Variants in MED9 observed in about 807,000 individuals in gnomAD.
The protein encoded by MED9 is mediator of RNA polymerase II transcription subunit 9.
A neutral mutation model predicts 13.2 loss-of-function variants in MED9; 8 were observed. The ratio of observed to expected loss-of-function variants is 0.61; its 90% CI spans 0.36 to 1.10. The LOEUF is 1.10. MED9 is among the 50% of genes least tolerant of loss of function. The pLI is 0.02. For synonymous variants in MED9, 87 were observed against 82.8 expected (o/e 1.05, Z -0.28); for missense variants, 180 against 193.4 (o/e 0.93, Z 0.41).
chr17:17,488,943 C>T (rs750102197), intron 1 of MED9, among the ~76,000 whole-genome samples: 1 of 152,072 alleles, frequency 6.6e-6, no homozygotes, highest in African/African-American at 2.4e-5. Flanking sequence ...TGGCTTTTTT[C>T]ATTCCTTCTA....
rs74494704 is a variant in MED9, at chr17:17,485,625, C to T, written c.225-5654C>T. ...TGTAGGTGGGACTGCACCCTCCCCCCGTCCCCTGCTGACAGCAAGTCTATG... is the reference window on the plus strand; with the variant it reads ...TGTAGGTGGGACTGCACCCTCCCCCTGTCCCCTGCTGACAGCAAGTCTATG... On this transcript the variant is annotated intron_variant, in intron 1 of 1. Transcript: ENST00000268711. 1,456 of 313,146 alleles carry T rather than the reference C, an allele frequency of 4.6e-3. 16 individuals carry two copies. The highest frequency in any genetic ancestry group is 0.028 in the African/African-American group (1,325 of 46,718). The allele number at this position is 313,146 out of a possible 1,614,324, so 19.4% of individuals were successfully genotyped here. A position where few individuals can be genotyped will look rare whatever the true frequency, so the allele number is the denominator to read the frequency against.
chr17:17,484,600 C>G lies in MED9; in HGVS notation c.225-6679C>G, dbSNP rs546712971. On this transcript the variant is annotated intron_variant, in intron 1 of 1. Transcript: ENST00000268711. ...GGGGATAGTCCGCATGCAGTTACTG[C>G]AGGCCTCTGCCGTTCACTTTCTTCT... 1.7e-3 allele frequency among the ~76,000 whole-genome samples: 256 copies of G among 152,390 alleles called. 1 individual carries two copies. Among genetic ancestry groups the G allele is most frequent in the African/African-American group, 6.0e-3 (250 of 41,592 alleles).
chr17:17,477,070 G>C lies in MED9; in HGVS notation c.29G>C (p.Arg10Pro). 6.2e-7 allele frequency: 1 copy of C among 1,606,938 alleles called. No homozygotes were observed. Among genetic ancestry groups the C allele is most frequent in the African/African-American group, 1.3e-5 (1 of 74,936 alleles). ...GCCTCTGCTGGGGTGGCAGCCGGGC[G>C]ACAGGCGGAGGATGTATTGCCGCCA... MASAGVAAG[R>P]QAEDVLPPTS... The change falls in exon 1 of 2, where the codon CGA (arginine) becomes CCA (proline). Residue 10 changes from arginine (R) to proline (P), a missense_variant. Coordinates refer to ENST00000268711, the MANE Select transcript of MED9 (RefSeq NM_018019.3).
intron 1 of MED9, chr17:17,486,422 G>A (rs558003464): frequency 1.3e-5 from 2 of 152,866 alleles, no homozygotes; most frequent in East Asian, 3.8e-4. Flanking sequence ...GGCTGGGCGT[G>A]GGCTTGGCAA....
intron 1 of MED9, among the ~76,000 whole-genome samples, chr17:17,488,714 T>C (rs185105060): frequency 1.6e-4 from 24 of 152,052 alleles, no homozygotes; most frequent in Admixed American, 1.3e-3. Context: ...ATGCCTGTAA[T>C]CCCAGCTACT....
chr17:17,478,987 G>A (rs2142469030), intron 1 of MED9, among the ~76,000 whole-genome samples: 1 of 152,230 alleles, frequency 6.6e-6, no homozygotes, highest in East Asian at 1.9e-4. Flanking sequence ...GATTATAAAG[G>A]GTTTATTCTG....
intron 1 of MED9, among the ~76,000 whole-genome samples, chr17:17,478,005 A>AT (rs1210893724): frequency 5.3e-5 from 8 of 152,048 alleles, no homozygotes; most frequent in South Asian, 2.1e-4. Context: ...CTAAATTATT[A>AT]TTTTTTTTGA....
chr17:17,480,943 A>C (rs1905023242), intron 1 of MED9, among the ~76,000 whole-genome samples: 1 of 152,216 alleles, frequency 6.6e-6, no homozygotes, highest in African/African-American at 2.4e-5. Context: ...GCCAACAATG[A>C]GTCTTCAATT....
chr17:17,485,339 C>T (rs1905109268), intron 1 of MED9: 2 of 398,472 alleles, frequency 5.0e-6, no homozygotes. Context: ...CTGACTTCAG[C>T]CTCCCAAAGT....
At chr17:17,480,740 A>T (rs1054567715) in intron 1 of MED9, among the ~76,000 whole-genome samples, 5 of 152,242 alleles carry the variant, frequency 3.3e-5, no homozygotes, top group Non-Finnish European at 5.9e-5. Flanking sequence ...CACGTGGAGG[A>T]AACAGTAGCC....
Position 17,491,346 on chromosome 17 carries a change from C to G in MED9, c.292C>G (p.Arg98Gly). The G allele has an allele frequency of 6.2e-7, 1 of 1,613,992 alleles. No homozygotes were observed. Among genetic ancestry groups the G allele is most frequent in the Non-Finnish European group, 8.5e-7 (1 of 1,180,034 alleles). The change falls in exon 2 of 2, where the codon CGC becomes GGC. Residue 98 changes from arginine (R) to glycine (G), a missense_variant. Transcript: ENST00000268711. The part of the protein sequence containing the change: ...NALKSKFQEM[R>G]KLISTMPGIH... ...CCTCAAAAGCAAGTTCCAGGAGATG[C>G]GCAAGCTCATCAGCACCATGCCCGG...
chr17:17,493,041 C>T lies in MED9; in HGVS notation c.*1546C>T, dbSNP rs1338435408. 2 of 152,184 alleles carry T rather than the reference C, an allele frequency of 1.3e-5. No individual in the cohort carries two copies. The highest frequency in any genetic ancestry group is 4.8e-5 in the African/African-American group (2 of 41,438). 9.4% of individuals were successfully genotyped at this position (152,184 alleles called of 1,614,324 possible). ...GCCTGTTTTAAGGCTCTGACAGATA[C>T]CACGAAACATGAAGCACGTGGAACT... is the stretch of plus-strand genomic sequence containing the variant. On this transcript the variant is annotated 3_prime_UTR_variant, in exon 2 of 2. Transcript: ENST00000268711.
At chr17:17,491,051 CTGTG>C (rs1905217828) in intron 1 of MED9, among the ~76,000 whole-genome samples, 1 of 152,152 alleles carries the variant, frequency 6.6e-6, no homozygotes, top group Non-Finnish European at 1.5e-5. Context: ...TCAAGAGTGT[CTGTG>C]TGTGATCTGC....
In MED9 at chr17:17,483,095, T is replaced by C. The variant is rs924190606; in HGVS notation, c.224+5830T>C. 9.9e-5 allele frequency among the ~76,000 whole-genome samples: 15 copies of C among 152,244 alleles called. No individual in the cohort carries two copies. The highest frequency in any genetic ancestry group is 2.1e-4 in the Non-Finnish European group (14 of 68,038). On this transcript the variant is annotated intron_variant, in intron 1 of 1. Transcript: ENST00000268711. This position sits in a 1 kb window ranked among gnomAD's most constrained non-coding sequence, Gnocchi z 4.2. The stretch of plus-strand genomic sequence containing the variant: ...CTGATGCTAGATCATGATGCTTTTG[T>C]TAATGGAACATTTCGTCTTTAATCT...
intron 1 of MED9, 133 bp from the exon 2 acceptor site, chr17:17,491,146 C>T: frequency 1.2e-6 from 1 of 840,586 alleles, no homozygotes; most frequent in Non-Finnish European, 1.9e-6. Context: ...ACAGCCTAGT[C>T]AGGGGATAGA....
In MED9 at chr17:17,477,013, C is replaced by G. The variant is rs183791895; in HGVS notation, c.-29C>G. On this transcript the variant is annotated 5_prime_UTR_variant, in exon 1 of 2. Transcript: ENST00000268711. The stretch of plus-strand genomic sequence containing the variant: ...AGAGTGCGCGACGCTTTTGGCGACC[C>G]GACCTCTGGCTAACCTACCCCCGGA... 1.1e-4 allele frequency: 173 copies of G among 1,601,914 alleles called. 1 individual carries two copies. Among genetic ancestry groups the G allele is most frequent in the Non-Finnish European group, 9.7e-5 (114 of 1,179,382 alleles).
intron 1 of MED9, among the ~76,000 whole-genome samples, chr17:17,480,752 C>A (rs189233133): frequency 1.4e-4 from 22 of 152,224 alleles, no homozygotes; most frequent in African/African-American, 5.1e-4. Context: ...ACAGTAGCCA[C>A]AAAGGAATGG....
chr17:17,485,252 C>A, intron 1 of MED9: 1 of 397,626 alleles, frequency 2.5e-6, no homozygotes, highest in South Asian at 1.3e-4. Context: ...CACACGCCAC[C>A]ACGCCTTTGT....
chr17:17,484,720 C>G (rs1905094784), intron 1 of MED9, among the ~76,000 whole-genome samples: 1 of 152,230 alleles, frequency 6.6e-6, no homozygotes, highest in Non-Finnish European at 1.5e-5. Flanking sequence ...GCCTAAAAGC[C>G]TCTTCACTCC....
Sources: allele counts gnomAD v4.1 joint callset (sites outside exome capture counted in the v4.1 genomes callset), GRCh38; gene constraint gnomAD v4.1.1; non-coding constraint Gnocchi (gnomAD v3.1); transcripts MANE v1.5; gene names NCBI Gene and HGNC (gene_info 2026-07-23, HGNC 2026-07-21).